BTRC: variants seen among roughly 807,000 people sequenced by gnomAD.
BTRC encodes the protein beta-transducin repeat containing E3 ubiquitin protein ligase.
A neutral mutation model predicts 85.5 loss-of-function variants in BTRC; 42 were observed. That is an observed-to-expected ratio of 0.49 (90% CI 0.38 to 0.64). BTRC has a LOEUF of 0.64. Among genes scored for constraint, BTRC ranks in the 30% least tolerant of loss-of-function variants. The pLI is 0.00. For synonymous variants in BTRC, 255 were observed against 263.3 expected (o/e 0.97, Z 0.30); for missense variants, 594 against 743.5 (o/e 0.80, Z 2.34).
chr10:101,357,639 C>G (rs1221951652), intron 1 of BTRC, among the ~76,000 whole-genome samples: 9 of 151,962 alleles, frequency 5.9e-5, no homozygotes, highest in Admixed American at 5.2e-4. Context: ...ATGGTTTAAA[C>G]AAATGTAAAA....
chr10:101,486,151 G>A (rs766957632), intron 4 of BTRC, among the ~76,000 whole-genome samples: 5 of 152,132 alleles, frequency 3.3e-5, no homozygotes, highest in Non-Finnish European at 5.9e-5. Context: ...CTCAGAGATC[G>A]GCAGGAGTCC....
At chr10:101,489,662 A>G (rs1359828970) in intron 4 of BTRC, among the ~76,000 whole-genome samples, 2 of 152,198 alleles carry the variant, frequency 1.3e-5, no homozygotes, top group Non-Finnish European at 2.9e-5. Context: ...GAAATGAGCT[A>G]TGAATTTAAA....
intron 1 of BTRC, among the ~76,000 whole-genome samples, chr10:101,372,320 A>T (rs1942660572): frequency 1.3e-5 from 2 of 149,916 alleles, no homozygotes; most frequent in South Asian, 4.2e-4. Flanking sequence ...GCAGTGGCGC[A>T]ATCTTGGCTC....
chr10:101,537,357 G>T (rs986559235), intron 12 of BTRC, among the ~76,000 whole-genome samples: 4 of 152,088 alleles, frequency 2.6e-5, no homozygotes, highest in Non-Finnish European at 5.9e-5. Context: ...GCAAAACCCA[G>T]TCTCTACTAA....
intron 4 of BTRC, 89 bp from the exon 5 acceptor site, chr10:101,521,550 T>C: frequency 1.1e-6 from 1 of 927,662 alleles, no homozygotes; most frequent in Non-Finnish European, 1.6e-6. Context: ...CATGTAGACA[T>C]AATATAGCAT....
chr10:101,354,285 T>G, intron 1 of BTRC, 57 bp downstream of exon 1: 2 of 1,536,478 alleles, frequency 1.3e-6, no homozygotes, highest in Non-Finnish European at 1.8e-6. Flanking sequence ...GCGGCGTCGC[T>G]GGCCTGGGCC....
intron 2 of BTRC, among the ~76,000 whole-genome samples, chr10:101,437,682 T>A (rs777424111): frequency 5.3e-5 from 8 of 152,230 alleles, no homozygotes; most frequent in Non-Finnish European, 1.2e-4. Flanking sequence ...CATAGATAGC[T>A]GCTCACATGT....
chr10:101,399,425 A>G (rs1284944867), intron 1 of BTRC, among the ~76,000 whole-genome samples: 1 of 150,944 alleles, frequency 6.6e-6, no homozygotes, highest in African/African-American at 2.4e-5. Context: ...AGGTCATACA[A>G]CTTAGGATAT....
intron 1 of BTRC, among the ~76,000 whole-genome samples, chr10:101,429,972 A>G (rs1350271540): frequency 6.6e-6 from 1 of 151,974 alleles, no homozygotes; most frequent in African/African-American, 2.4e-5. Context: ...TAGTCTGCAC[A>G]GTATTACACC....
intron 6 of BTRC, among the ~76,000 whole-genome samples, chr10:101,527,623 G>A (rs776054492): frequency 2.6e-5 from 4 of 152,056 alleles, no homozygotes; most frequent in African/African-American, 9.7e-5. Context: ...GCCTGGTGGC[G>A]CATGCCTGTA....
At chr10:101,420,348 G>A (rs1295279059) in intron 1 of BTRC, among the ~76,000 whole-genome samples, 1 of 151,774 alleles carries the variant, frequency 6.6e-6, no homozygotes, top group Non-Finnish European at 1.5e-5. Context: ...TACTTCATAT[G>A]CATGCCTCCC....
chr10:101,419,020 T>C (rs1944024998), intron 1 of BTRC, among the ~76,000 whole-genome samples: 1 of 151,756 alleles, frequency 6.6e-6, no homozygotes, highest in African/African-American at 2.4e-5. Context: ...CTTTCTTTTT[T>C]TTTTTTTTGA....
intron 4 of BTRC, among the ~76,000 whole-genome samples, chr10:101,505,917 ATT>A (rs71472577): frequency 7.0e-6 from 1 of 142,602 alleles, no homozygotes. Flanking sequence ...CAGTTTTCCA[ATT>A]TTTTTTTTTT....
chr10:101,422,323 T>G (rs1343429258), intron 1 of BTRC, among the ~76,000 whole-genome samples: 1 of 145,076 alleles, frequency 6.9e-6, no homozygotes, highest in African/African-American at 2.4e-5. Context: ...GGGTTGTTTG[T>G]TTTTTTCTTG....
chr10:101,528,811 C>T (rs1173468508), intron 6 of BTRC, among the ~76,000 whole-genome samples: 1 of 152,142 alleles, frequency 6.6e-6, no homozygotes, highest in East Asian at 1.9e-4. Context: ...CATATGCTAG[C>T]TTTGAAAGGT....
chr10:101,449,030 G>GA (rs1230389106), intron 2 of BTRC, among the ~76,000 whole-genome samples: 2 of 151,028 alleles, frequency 1.3e-5, no homozygotes, highest in Non-Finnish European at 3.0e-5. Context: ...TCTTAATTAG[G>GA]AAAAAAAATA....
rs527878251 is a variant in BTRC at position 101,555,256 on chromosome 10, A to G, written c.*2133A>G. The G allele has an allele frequency of 1.2e-4, 19 of 152,812 alleles. No homozygotes were observed. Among genetic ancestry groups the G allele is most frequent in the African/African-American group, 4.6e-4 (19 of 41,596 alleles). 9.5% of individuals were successfully genotyped at this position (152,812 alleles called of 1,614,324 possible). A position where few individuals can be genotyped will look rare whatever the true frequency, so the allele number is the denominator to read the frequency against. On this transcript the variant is annotated 3_prime_UTR_variant, in exon 15 of 15. Transcript: ENST00000370187. ...TGTCTCAAAATATTGCCCAATAGCC[A>G]TAATTTTACCAGCCTTTCTGTCATA...
chr10:101,439,436 A>G (rs1944623057), intron 2 of BTRC, among the ~76,000 whole-genome samples: 1 of 152,216 alleles, frequency 6.6e-6, no homozygotes, highest in South Asian at 2.1e-4. Context: ...TCCCTTTGGC[A>G]TTACAATGAG....
At chr10:101,492,032 G>A (rs1946147044) in intron 4 of BTRC, among the ~76,000 whole-genome samples, 1 of 151,976 alleles carries the variant, frequency 6.6e-6, no homozygotes, top group South Asian at 2.1e-4. Context: ...ACAGTTAAGG[G>A]TGGCATAAAT....
Sources: gnomAD v4.1 joint callset for allele counts (sites outside exome capture counted in the v4.1 genomes callset) on GRCh38, gnomAD v4.1.1 for gene constraint, MANE v1.5 for transcripts, NCBI Gene and HGNC (gene_info 2026-07-23, HGNC 2026-07-21) for gene names.